Variants in AHNAK observed in about 807,000 individuals in gnomAD.
AHNAK encodes AHNAK nucleoprotein.
In AHNAK, 23 loss-of-function variants were observed where a neutral mutation model predicts 37.8. That is an observed-to-expected ratio of 0.61 (90% CI 0.44 to 0.86). The LOEUF (loss-of-function observed/expected upper bound fraction) is 0.86. Ranked by LOEUF, AHNAK falls within the 40% of genes least tolerant of loss-of-function variation. The pLI is 0.00. For synonymous variants in AHNAK, 2,481 were observed against 2,636.3 expected (o/e 0.94, Z 1.80); for missense variants, 7,411 against 7,319.4 (o/e 1.01, Z -0.46).
At position 62,516,173 on chromosome 11, in the gene AHNAK, C is replaced by A. The variant is rs1940011149; in HGVS notation, c.*571G>T. ...ACCGTCAGCACCAAACTGGCTGGGA[C>A]CACCACCCCTGGGTGAAAGAAACAA... On this transcript the variant is annotated 3_prime_UTR_variant, in exon 5 of 5. Transcript: ENST00000378024. 1.3e-5 allele frequency: 17 copies of A among 1,289,016 alleles called. No homozygotes were observed. In the South Asian group the frequency reaches 2.1e-4, roughly 16 times the overall value. 79.8% of individuals were successfully genotyped at this position (1,289,016 alleles called of 1,614,324 possible).
chr11:62,483,561 C>CT (rs1479560726), intron 5 of AHNAK, among the ~76,000 whole-genome samples: 3 of 145,512 alleles, frequency 2.1e-5, no homozygotes, highest in Non-Finnish European at 4.5e-5. Context: ...CCCGTCTCTA[C>CT]TAAAAAAAAA....
intron 5 of AHNAK, among the ~76,000 whole-genome samples, chr11:62,464,085 G>C (rs1283471814): frequency 6.7e-6 from 1 of 148,752 alleles, no homozygotes; most frequent in Non-Finnish European, 1.5e-5. Flanking sequence ...TTTTTAATAG[G>C]ATCTTCCTGT....
At chr11:62,458,148 G>A (rs959779895) in intron 5 of AHNAK, among the ~76,000 whole-genome samples, 1 of 151,826 alleles carries the variant, frequency 6.6e-6, no homozygotes, top group Admixed American at 6.6e-5. Flanking sequence ...TCAAACTCCT[G>A]ACCTCATGAT....
intron 5 of AHNAK, among the ~76,000 whole-genome samples, chr11:62,481,350 A>T (rs1354140765): frequency 6.6e-6 from 1 of 151,732 alleles, no homozygotes; most frequent in Non-Finnish European, 1.5e-5. Context: ...CAGGTAATCC[A>T]CCCACCTCGG....
chr11:62,482,992 C>T (rs1939306453), intron 5 of AHNAK, among the ~76,000 whole-genome samples: 1 of 152,124 alleles, frequency 6.6e-6, no homozygotes, highest in African/African-American at 2.4e-5. Context: ...CACACAAAAA[C>T]GTCCACAGGA....
chr11:62,453,604 T>C lies in AHNAK; in HGVS notation c.443-19713A>G, dbSNP rs2134808231. Among the ~76,000 whole-genome samples, 4 of 152,240 alleles carry C rather than the reference T, an allele frequency of 2.6e-5. 1 individual carries two copies. The highest frequency in any genetic ancestry group is 6.8e-3 in the Middle Eastern group (2 of 294). The stretch of plus-strand genomic sequence containing the variant: ...CAAGAAGGCTCCAGTCTGGTGTCTG[T>C]AAGAGCTGCAAGAGCATTCAAGGCT... On this transcript the variant is annotated intron_variant, in intron 5 of 5. Transcript: ENST00000257247.
chr11:62,513,544 A>T (rs370038721), downstream of AHNAK, among the ~76,000 whole-genome samples: 164 of 151,624 alleles, frequency 1.1e-3, 5 homozygotes, highest in South Asian at 0.031. Flanking sequence ...TCAAAAATAA[A>T]AAAAAAAAAA....
intron 4 of AHNAK, among the ~76,000 whole-genome samples, chr11:62,495,214 C>T (rs1370138999): frequency 6.6e-6 from 1 of 151,980 alleles, no homozygotes; most frequent in African/African-American, 2.4e-5. Context: ...GATTTGAATC[C>T]AAACTACCTG....
Position 62,526,901 on chromosome 11 carries a change from A to G in AHNAK, c.7516T>C (p.Trp2506Arg), listed in dbSNP as rs780691188. The G allele has an allele frequency of 5.6e-5, 90 of 1,614,100 alleles. 3 individuals carry two copies. In the South Asian group the frequency reaches 7.8e-4, roughly 14 times the overall value. Residue 2506 changes from tryptophan to arginine, a missense_variant, in exon 5 of 5, where the codon TGG becomes CGG. Transcript: ENST00000378024. ...VNAPDVQAPDWHLKMPKMKMP... is the reference protein window; with the variant it reads ...VNAPDVQAPDRHLKMPKMKMP... ...TTCATCTTGGGCATCTTCAGGTGCC[A>G]GTCTGGAGCTTGGACATCGGGGGCA...
chr11:62,486,036 A>G (rs181969707), intron 5 of AHNAK, among the ~76,000 whole-genome samples: 4,550 of 150,782 alleles, frequency 0.03, 88 homozygotes, highest in Non-Finnish European at 0.05. Context: ...AAAAAAAAAA[A>G]AAAGAGAGAG....
At chr11:62,466,345 A>G (rs1336712857) in intron 5 of AHNAK, among the ~76,000 whole-genome samples, 2 of 152,000 alleles carry the variant, frequency 1.3e-5, no homozygotes, top group Admixed American at 6.6e-5. Flanking sequence ...GTTTTTAATT[A>G]TATCTCTAGC....
chr11:62,514,732 T>C (rs1939977440), downstream of AHNAK, among the ~76,000 whole-genome samples: 1 of 152,180 alleles, frequency 6.6e-6, no homozygotes, highest in African/African-American at 2.4e-5. Flanking sequence ...AAAGAAGCTG[T>C]AGGTCGGTCA....
chr11:62,434,159 T>C (rs1390649452), intron 5 of AHNAK, among the ~76,000 whole-genome samples: 5 of 152,132 alleles, frequency 3.3e-5, no homozygotes, highest in Non-Finnish European at 7.4e-5. Context: ...GAGTCTGTCC[T>C]TTTGGTGCCC....
Position 62,518,624 on chromosome 11 carries a change from C to A in AHNAK, c.15793G>T (p.Asp5265Tyr), listed in dbSNP as rs1160443503. The change falls in exon 5 of 5, where the codon GAC becomes TAC. Residue 5265 changes from aspartate (D) to tyrosine (Y), a missense_variant. Transcript: ENST00000378024. ...VHAQLPSLEG[D>Y]LRGPDVKLEG... ...AGCTTAACATCTGGTCCTCTCAAGT[C>A]TCCTTCAAGAGAGGGTAGCTGGGCA... 1 of 1,614,190 alleles carries A rather than the reference C, an allele frequency of 6.2e-7. No individual in the cohort carries two copies. Among genetic ancestry groups the A allele is most frequent in the Admixed American group, 1.7e-5 (1 of 60,022 alleles).
intron 5 of AHNAK, among the ~76,000 whole-genome samples, chr11:62,476,146 G>A (rs777767877): frequency 1.3e-4 from 20 of 152,146 alleles, no homozygotes; most frequent in Non-Finnish European, 2.4e-4. Context: ...AGTTCTGGCC[G>A]GACGGCTGAG....
Position 62,525,698 on chromosome 11 carries a change from A to C in AHNAK, c.8719T>G (p.Phe2907Val). ...MKMPKFSMPG[F>V]KAEGPEVDVN... ...TCCACTTCAGGGCCCTCTGCTTTGA[A>C]GCCAGGCATGCTGAACTTGGGCATT... The change falls in exon 5 of 5, where the codon TTC (phenylalanine) becomes GTC (valine). Residue 2907 changes from phenylalanine to valine, a missense_variant. Phe to Val is a conservative substitution (Grantham distance 50). Coordinates refer to ENST00000378024, the MANE Select transcript of AHNAK (RefSeq NM_001620.3). 6.2e-7 allele frequency: 1 copy of C among 1,613,248 alleles called. No homozygotes were observed. The highest frequency in any genetic ancestry group is 8.5e-7 in the Non-Finnish European group (1 of 1,179,830).
rs527386274 is a variant in AHNAK, at chr11:62,539,154, C to A, written c.-99-2587G>T. On this transcript the variant is annotated intron_variant, in intron 1 of 4. Transcript: ENST00000378024. Reference sequence around the variant, plus strand: ...AGGAAATCACTCTGACCCTTCCCAGCAAGAAACAGCAAAGCTGGGGCTTAA... The same window carrying A: ...AGGAAATCACTCTGACCCTTCCCAGAAAGAAACAGCAAAGCTGGGGCTTAA... Among the ~76,000 whole-genome samples, 3 of 152,342 alleles carry A rather than the reference C, an allele frequency of 2.0e-5. No homozygotes were observed. In the East Asian group the frequency reaches 5.8e-4, roughly 29 times the overall value.
At chr11:62,462,475 T>A (rs565513494) in intron 5 of AHNAK, among the ~76,000 whole-genome samples, 5 of 152,274 alleles carry the variant, frequency 3.3e-5, no homozygotes, top group Admixed American at 2.6e-4. Flanking sequence ...ATTTACATAT[T>A]TTATGAAGTC....
chr11:62,459,600 T>C (rs778267513), intron 5 of AHNAK, among the ~76,000 whole-genome samples: 6 of 152,016 alleles, frequency 3.9e-5, no homozygotes, highest in Non-Finnish European at 7.4e-5. Context: ...CACAAGCCCC[T>C]CTGCTGGGCA....
Sources: gnomAD v4.1 joint callset for allele counts (sites outside exome capture counted in the v4.1 genomes callset) on GRCh38, gnomAD v4.1.1 for gene constraint, MANE v1.5 for transcripts, NCBI Gene and HGNC (gene_info 2026-07-23, HGNC 2026-07-21) for gene names.